TASP1: variants seen among roughly 807,000 people sequenced by gnomAD.
TASP1 encodes threonine aspartase 1.
Under a neutral mutation model 56.6 loss-of-function variants are expected in TASP1, and 16 were observed. That is an observed-to-expected ratio of 0.28 (90% CI 0.19 to 0.43). The LOEUF is 0.43. TASP1 is among the 20% of genes least tolerant of loss of function. The probability of loss-of-function intolerance (pLI) is 1.00; values close to 1 mark genes in which losing one functional copy is unlikely to be tolerated. For missense variants in TASP1, 393 were observed against 511.6 expected (o/e 0.77, Z 2.24); for synonymous variants, 179 against 184.2 (o/e 0.97, Z 0.23).
At chr20:13,221,634 C>A in the TASP1 span, 7 of 597,442 alleles carry the variant, frequency 1.2e-5, no homozygotes, top group Non-Finnish European at 1.3e-5. Flanking sequence ...GCCAGCCCCG[C>A]GGGCCCGGGA....
At chr20:13,555,401 A>AAC (rs2147043216) in intron 8 of TASP1, among the ~76,000 whole-genome samples, 1 of 151,658 alleles carries the variant, frequency 6.6e-6, no homozygotes, top group Non-Finnish European at 1.5e-5. Flanking sequence ...AAAAAAAAAA[A>AAC]AAAAATTATA....
At chr20:13,299,121 G>A in the TASP1 span, 6 of 1,613,092 alleles carry the variant, frequency 3.7e-6, no homozygotes, top group Non-Finnish European at 2.5e-6. This position sits in a 1 kb window ranked among gnomAD's most constrained non-coding sequence, Gnocchi z 5.8. Context: ...GGACGCCAGC[G>A]GGCCCAAGGA....
intron 4 of TASP1, among the ~76,000 whole-genome samples, chr20:13,607,670 T>C (rs999040639): frequency 1.3e-5 from 2 of 152,216 alleles, no homozygotes; most frequent in Non-Finnish European, 2.9e-5. Context: ...CAAGTGCAAA[T>C]TCAACAAACA....
At chr20:13,210,616 C>CGTGT in the TASP1 span, among the ~76,000 whole-genome samples, 6,014 of 147,438 alleles carry the variant, frequency 0.041, 310 homozygotes, top group African/African-American at 0.12. Flanking sequence ...CATGTGCACA[C>CGTGT]GTGTGTGTGT....
At chr20:13,193,035 G>C in the TASP1 span, among the ~76,000 whole-genome samples, 5 of 152,124 alleles carry the variant, frequency 3.3e-5, no homozygotes, top group Non-Finnish European at 7.3e-5. Context: ...AACACAGACT[G>C]AGATTAGCTT....
intron 1 of TASP1, among the ~76,000 whole-genome samples, chr20:13,634,328 A>G (rs976002791): frequency 3.9e-5 from 6 of 152,216 alleles, no homozygotes; most frequent in South Asian, 2.1e-4. Context: ...AGAATAAGCA[A>G]ATCTAAAGAG....
the TASP1 span, among the ~76,000 whole-genome samples, chr20:13,114,166 T>G: frequency 6.6e-6 from 1 of 152,218 alleles, no homozygotes; most frequent in Non-Finnish European, 1.5e-5. Context: ...CCTTTACCAT[T>G]AACCTATCTA....
chr20:13,366,185 A>T, the TASP1 span, among the ~76,000 whole-genome samples: 1 of 152,174 alleles, frequency 6.6e-6, no homozygotes, highest in Non-Finnish European at 1.5e-5. Context: ...TCAAGTAGGT[A>T]ATCTGGAGTT....
At chr20:13,530,208 C>A (rs1324072909) in intron 9 of TASP1, among the ~76,000 whole-genome samples, 2 of 152,158 alleles carry the variant, frequency 1.3e-5, no homozygotes, top group Admixed American at 1.3e-4. Flanking sequence ...GGAAGTCTCC[C>A]ATGTTCATGT....
At chr20:13,196,779 T>C in the TASP1 span, among the ~76,000 whole-genome samples, 3 of 152,190 alleles carry the variant, frequency 2.0e-5, no homozygotes, top group Non-Finnish European at 4.4e-5. Flanking sequence ...AATACATACA[T>C]GGCCCATGTT....
the TASP1 span, among the ~76,000 whole-genome samples, chr20:13,225,085 C>A: frequency 6.6e-6 from 1 of 151,100 alleles, no homozygotes. Context: ...ACTCTCCTGA[C>A]CTCATGATCC....
chr20:13,202,731 C>T, the TASP1 span, among the ~76,000 whole-genome samples: 1 of 152,158 alleles, frequency 6.6e-6, no homozygotes, highest in African/African-American at 2.4e-5. Flanking sequence ...AGGAAAGTGA[C>T]GTACAGAAAA....
the TASP1 span, among the ~76,000 whole-genome samples, chr20:13,138,517 G>C: frequency 6.6e-6 from 1 of 152,164 alleles, no homozygotes; most frequent in East Asian, 1.9e-4. Context: ...GTAGTGATTA[G>C]TTATTTAATT....
chr20:13,616,920 A>C (rs1159391257), intron 4 of TASP1: 1 of 368,124 alleles, frequency 2.7e-6, no homozygotes, highest in African/African-American at 2.2e-5. Context: ...GGCCACCCAC[A>C]GCCTGTCTTC....
At chr20:13,344,632 G>C in the TASP1 span, among the ~76,000 whole-genome samples, 1 of 152,104 alleles carries the variant, frequency 6.6e-6, no homozygotes, top group African/African-American at 2.4e-5. Flanking sequence ...CTATCTCCTG[G>C]GAAGAAAATG....
At chr20:13,218,052 C>T in the TASP1 span, among the ~76,000 whole-genome samples, 1 of 152,102 alleles carries the variant, frequency 6.6e-6, no homozygotes, top group South Asian at 2.1e-4. Context: ...GAGTTTGAGA[C>T]CAGCCTGGCC....
the TASP1 span, among the ~76,000 whole-genome samples, chr20:13,252,614 G>A: frequency 6.6e-6 from 1 of 152,134 alleles, no homozygotes. Flanking sequence ...CATTAGCTGG[G>A]TGTGGTGGCG....
intron 10 of TASP1, among the ~76,000 whole-genome samples, chr20:13,506,887 A>AAC (rs1387156297): frequency 6.6e-6 from 1 of 150,662 alleles, no homozygotes; most frequent in Admixed American, 6.6e-5. Flanking sequence ...AGGCCAAAAA[A>AAC]AAAAACAAAA....
the TASP1 span, among the ~76,000 whole-genome samples, chr20:13,114,789 T>C: frequency 1.2e-4 from 19 of 152,350 alleles, no homozygotes; most frequent in African/African-American, 3.8e-4. Flanking sequence ...AAGGAGATTT[T>C]TCCACCATGT....
Sources: allele counts gnomAD v4.1 joint callset (sites outside exome capture counted in the v4.1 genomes callset), GRCh38; gene constraint gnomAD v4.1.1; non-coding constraint Gnocchi (gnomAD v3.1); transcripts MANE v1.5; gene names NCBI Gene and HGNC (gene_info 2026-07-23, HGNC 2026-07-21).